Variants in OSBP2 observed in about 807,000 individuals in gnomAD.
The protein encoded by OSBP2 is oxysterol-binding protein 2.
In OSBP2, 66 loss-of-function variants were observed where a neutral mutation model predicts 96.0. The observed-to-expected ratio is 0.69, with a 90% confidence interval of 0.56 to 0.84. OSBP2 has a LOEUF of 0.84. OSBP2 is among the 40% of genes least tolerant of loss of function. The pLI, the probability that OSBP2 is intolerant of heterozygous loss-of-function variation, is 0.00. For missense variants in OSBP2, 1,038 were observed against 1,222.7 expected (o/e 0.85, Z 2.25); for synonymous variants, 525 against 520.9 (o/e 1.01, Z -0.11).
chr22:30,878,935 G>A (rs2039640690), intron 3 of OSBP2, among the ~76,000 whole-genome samples: 1 of 152,190 alleles, frequency 6.6e-6, no homozygotes, highest in South Asian at 2.1e-4. Flanking sequence ...AGGAGACATT[G>A]GGGGCACCAG....
At chr22:30,858,209 C>T (rs1054750422) in intron 2 of OSBP2, among the ~76,000 whole-genome samples, 4 of 150,006 alleles carry the variant, frequency 2.7e-5, no homozygotes, top group Admixed American at 2.7e-4. Context: ...TGCAGTGGCG[C>T]AATCTCGGCT....
intron 1 of OSBP2, among the ~76,000 whole-genome samples, chr22:30,723,048 A>G (rs2089579650): frequency 6.6e-6 from 1 of 151,902 alleles, no homozygotes. Context: ...GACCTTCCAA[A>G]GTGTTGCTGG....
intron 3 of OSBP2, among the ~76,000 whole-genome samples, chr22:30,874,672 A>C (rs949073930): frequency 2.6e-5 from 4 of 152,176 alleles, no homozygotes; most frequent in African/African-American, 9.6e-5. Flanking sequence ...CAGGGGTTTG[A>C]GGGAACAAGG....
chr22:30,768,271 G>C (rs1003004594), intron 2 of OSBP2, among the ~76,000 whole-genome samples: 3 of 152,186 alleles, frequency 2.0e-5, no homozygotes, highest in Middle Eastern at 3.2e-3. Context: ...AGCCAGCCCA[G>C]AAGTGGCCAC....
chr22:30,900,903 T>C (rs993036882), intron 12 of OSBP2, among the ~76,000 whole-genome samples: 5 of 152,194 alleles, frequency 3.3e-5, no homozygotes, highest in Non-Finnish European at 5.9e-5. Flanking sequence ...CTTTTGTTCA[T>C]TGAGAACTTT....
intron 1 of OSBP2, among the ~76,000 whole-genome samples, chr22:30,731,820 G>C (rs1413066158): frequency 6.6e-6 from 1 of 152,158 alleles, no homozygotes; most frequent in Non-Finnish European, 1.5e-5. Flanking sequence ...TGTGAAACAA[G>C]GTCATCTGCT....
chr22:30,713,656 TC>T (rs576507836), intron 1 of OSBP2, among the ~76,000 whole-genome samples: 2 of 152,126 alleles, frequency 1.3e-5, no homozygotes, highest in African/African-American at 4.8e-5. Context: ...AGATACAGGG[TC>T]TTGCTATGTT....
intron 2 of OSBP2, among the ~76,000 whole-genome samples, chr22:30,787,566 G>A (rs1254915521): frequency 6.6e-6 from 1 of 152,122 alleles, no homozygotes; most frequent in East Asian, 1.9e-4. Flanking sequence ...CCAGCGAATC[G>A]GGAGGCTGAA....
intron 1 of OSBP2, among the ~76,000 whole-genome samples, chr22:30,702,525 A>G (rs1041649588): frequency 8.5e-5 from 13 of 152,164 alleles, no homozygotes; most frequent in Non-Finnish European, 1.2e-4. Flanking sequence ...GAGGCATGAG[A>G]ATCACTTGAA....
At chr22:30,770,709 C>G (rs9609088) in intron 2 of OSBP2, 13,425 of 152,418 alleles carry the variant, frequency 0.088, 627 homozygotes, top group Middle Eastern at 0.17. Context: ...CTCTCTGACA[C>G]CCCCATTTCT....
At chr22:30,790,839 A>G (rs1215900998) in intron 2 of OSBP2, among the ~76,000 whole-genome samples, 4 of 152,188 alleles carry the variant, frequency 2.6e-5, no homozygotes, top group Non-Finnish European at 4.4e-5. Flanking sequence ...TGTTTGCTTC[A>G]TCGAATCACG....
chr22:30,796,902 GTGT>G (rs1418944045), intron 2 of OSBP2, among the ~76,000 whole-genome samples: 3 of 152,166 alleles, frequency 2.0e-5, no homozygotes, highest in Non-Finnish European at 4.4e-5. Context: ...AAATATATTA[GTGT>G]TGTTGTGCAT....
chr22:30,738,122 G>C (rs1180519712), intron 1 of OSBP2, among the ~76,000 whole-genome samples: 2 of 148,780 alleles, frequency 1.3e-5, no homozygotes, highest in East Asian at 4.0e-4. Flanking sequence ...CCACCTGCCT[G>C]ATTTTTTTGC....
chr22:30,704,948 C>T (rs1360224744), intron 1 of OSBP2, among the ~76,000 whole-genome samples: 1 of 152,228 alleles, frequency 6.6e-6, no homozygotes, highest in Non-Finnish European at 1.5e-5. Context: ...CAGGTGTGAA[C>T]TCATTCCTCC....
intron 2 of OSBP2, among the ~76,000 whole-genome samples, chr22:30,854,064 T>G (rs1026378877): frequency 3.1e-4 from 47 of 151,884 alleles, no homozygotes; most frequent in Non-Finnish European, 5.4e-4. Flanking sequence ...AGGCCTCACC[T>G]CTCTTTTCTT....
At chr22:30,755,782 C>T (rs982026406) in intron 2 of OSBP2, among the ~76,000 whole-genome samples, 3 of 152,178 alleles carry the variant, frequency 2.0e-5, no homozygotes, top group Middle Eastern at 3.2e-3. Context: ...AGGGACTGGT[C>T]GATTGTGCCC....
At chr22:30,730,066 G>T (rs1213351768) in intron 1 of OSBP2, among the ~76,000 whole-genome samples, 1 of 151,966 alleles carries the variant, frequency 6.6e-6, no homozygotes, top group African/African-American at 2.4e-5. Context: ...AGGTTCAAGC[G>T]ATTCTCGTGT....
chr22:30,696,026 C>T (rs192954407), intron 1 of OSBP2, among the ~76,000 whole-genome samples: 287 of 152,282 alleles, frequency 1.9e-3, no homozygotes, highest in African/African-American at 6.4e-3. Flanking sequence ...GTTACTCCCA[C>T]CTTTCCTGAT....
chr22:30,714,433 A>G (rs867970445), intron 1 of OSBP2, among the ~76,000 whole-genome samples: 1 of 152,070 alleles, frequency 6.6e-6, no homozygotes, highest in Non-Finnish European at 1.5e-5. Flanking sequence ...TGTAGTAAAA[A>G]ACACATAACG....
Sources: allele counts gnomAD v4.1 joint callset (sites outside exome capture counted in the v4.1 genomes callset), GRCh38; gene constraint gnomAD v4.1.1; transcripts MANE v1.5; gene names NCBI Gene and HGNC (gene_info 2026-07-23, HGNC 2026-07-21).